The following PLEK variants were observed in gnomAD, a reference collection of about 807,000 sequenced individuals.
PLEK encodes pleckstrin.
A neutral mutation model predicts 43.9 loss-of-function variants in PLEK; 25 were observed. The ratio of observed to expected loss-of-function variants is 0.57; its 90% confidence interval spans 0.41 to 0.79. PLEK has a LOEUF of 0.79. PLEK is among the 30% of genes least tolerant of loss of function. PLEK has a pLI of 0.00. For synonymous variants in PLEK, 152 were observed against 144.4 expected (o/e 1.05, Z -0.38); for missense variants, 396 against 413.3 (o/e 0.96, Z 0.36).
At chr2:68,377,696 C>T (rs903866807) in intron 1 of PLEK, among the ~76,000 whole-genome samples, 12 of 152,098 alleles carry the variant, frequency 7.9e-5, no homozygotes, top group African/African-American at 2.9e-4. Flanking sequence ...GGGTAGTTTG[C>T]AAATATTTTC....
At chr2:68,379,092 C>T (rs150396948) in intron 1 of PLEK, among the ~76,000 whole-genome samples, 2,962 of 152,180 alleles carry the variant, frequency 0.019, 96 homozygotes, top group African/African-American at 0.066. Context: ...TGAGATCATG[C>T]AATTGCACTC....
intron 1 of PLEK, among the ~76,000 whole-genome samples, chr2:68,374,083 A>G (rs540381560): frequency 2.6e-5 from 4 of 152,292 alleles, no homozygotes; most frequent in African/African-American, 9.6e-5. Context: ...GTCTCTCCCT[A>G]TCTCTGAATT....
At chr2:68,383,034 G>C (rs1207218540) in intron 4 of PLEK, among the ~76,000 whole-genome samples, 1 of 152,178 alleles carries the variant, frequency 6.6e-6, no homozygotes. Flanking sequence ...AGGCTGCACA[G>C]GGTCAGGTAT....
At chr2:68,389,060 T>C (rs1296498233) in intron 6 of PLEK, among the ~76,000 whole-genome samples, 1 of 152,156 alleles carries the variant, frequency 6.6e-6, no homozygotes, top group East Asian at 1.9e-4. Flanking sequence ...GATGTCCAGG[T>C]GTCCACAGGT....
intron 3 of PLEK, among the ~76,000 whole-genome samples, chr2:68,381,975 C>T (rs946822486): frequency 1.3e-5 from 2 of 152,174 alleles, no homozygotes; most frequent in African/African-American, 4.8e-5. Flanking sequence ...CTTAGAGCTT[C>T]TCTCGTAAGG....
chr2:68,368,364 A>C (rs1179203610), intron 1 of PLEK, among the ~76,000 whole-genome samples: 1 of 152,246 alleles, frequency 6.6e-6, no homozygotes, highest in Non-Finnish European at 1.5e-5. Context: ...CTCATCTTAC[A>C]GATAAGAAAA....
At chr2:68,378,277 G>T (rs1484900452) in intron 1 of PLEK, among the ~76,000 whole-genome samples, 1 of 152,188 alleles carries the variant, frequency 6.6e-6, no homozygotes, top group Non-Finnish European at 1.5e-5. Context: ...TGGTTGACAT[G>T]AGGCTCAAAT....
chr2:68,380,705 A>G lies in PLEK; in HGVS notation c.199-18A>G. ...CTTGAAATAAGCCATTTCTAATGGG[A>G]TGTGTTTTGATTTTCAGTTTGTGTT... On this transcript the variant is annotated intron_variant, in intron 2 of 8. Coordinates refer to ENST00000234313, the MANE Select transcript of PLEK (RefSeq NM_002664.3). The G allele has an allele frequency of 6.2e-7, 1 of 1,610,454 alleles. No individual in the cohort carries two copies. Among genetic ancestry groups the G allele is most frequent in the Non-Finnish European group, 8.5e-7 (1 of 1,177,988 alleles).
intron 1 of PLEK, among the ~76,000 whole-genome samples, chr2:68,371,842 C>T (rs55688935): frequency 4.6e-5 from 7 of 151,674 alleles, no homozygotes; most frequent in African/African-American, 1.7e-4. Context: ...CATAGAGCTC[C>T]TTTTTTCCCA....
chr2:68,365,325 A>G lies in PLEK; in HGVS notation c.-27A>G. On this transcript the variant is annotated 5_prime_UTR_variant, in exon 1 of 9. Coordinates refer to ENST00000234313, the MANE Select transcript of PLEK (RefSeq NM_002664.3). The stretch of plus-strand genomic sequence containing the variant: ...TGCTGAGAGGAGTTGCCTGAGAGTG[A>G]CCTTTGCATCTGCCTGTCCAGCCAG... The G allele has an allele frequency of 6.2e-7, 1 of 1,611,264 alleles. No individual in the cohort carries two copies. Among genetic ancestry groups the G allele is most frequent in the South Asian group, 1.1e-5 (1 of 91,034 alleles).
At chr2:68,393,681 G>C (rs907448421) in intron 7 of PLEK, among the ~76,000 whole-genome samples, 1 of 152,170 alleles carries the variant, frequency 6.6e-6, no homozygotes, top group Non-Finnish European at 1.5e-5. Context: ...CACTTTTAAA[G>C]CATGAAGACA....
At chr2:68,365,730 A>G (rs7588256) in intron 1 of PLEK, 1 of 208,610 alleles carries the variant, frequency 4.8e-6, no homozygotes, top group Non-Finnish European at 9.9e-6. Context: ...CTCCTCTTCT[A>G]TGGAGGTTTC....
At position 68,380,495 on chromosome 2, in the gene PLEK, T is replaced by C. The variant is rs760855544; in HGVS notation, c.198+12T>C. ...TTGGCAAAAGGATGGTAAGTTGACATCATGAGCTGCCGTGAACCCCTGGTC... is the reference window on the plus strand; with the variant it reads ...TTGGCAAAAGGATGGTAAGTTGACACCATGAGCTGCCGTGAACCCCTGGTC... On this transcript the variant is annotated intron_variant, in intron 2 of 8. Transcript: ENST00000234313. 20 of 1,612,018 alleles carry C rather than the reference T, an allele frequency of 1.2e-5. No individual in the cohort carries two copies. The Admixed American group carries it at 3.3e-4, about 27-fold the overall frequency.
intron 6 of PLEK, among the ~76,000 whole-genome samples, chr2:68,389,754 A>G (rs1369455408): frequency 1.3e-5 from 2 of 152,140 alleles, no homozygotes; most frequent in African/African-American, 4.8e-5. Flanking sequence ...AAAGAAAGGC[A>G]TGGGGCAGAG....
chr2:68,389,400 A>G (rs1673816300), intron 6 of PLEK, among the ~76,000 whole-genome samples: 1 of 152,208 alleles, frequency 6.6e-6, no homozygotes, highest in Admixed American at 6.5e-5. Context: ...GGAGATTTCC[A>G]TGTACTGTCT....
At position 68,395,977 on chromosome 2, in the gene PLEK, GTTCCCCTGCATT is replaced by G; in HGVS notation, c.*162_*173del. ...TGTAACTCACCATGTGGTGTGCAAG[GTTCCCCTGCATT>G]GTATTGCTCACTGCAGCCCCTCTGC... On this transcript the variant is annotated 3_prime_UTR_variant, in exon 9 of 9. Coordinates refer to ENST00000234313, the MANE Select transcript of PLEK (RefSeq NM_002664.3). The G allele has an allele frequency of 1.5e-6, 1 of 649,798 alleles. No individual in the cohort carries two copies. The highest frequency in any genetic ancestry group is 2.8e-6 in the Non-Finnish European group (1 of 361,944). 40.3% of individuals were successfully genotyped at this position (649,798 alleles called of 1,614,324 possible). A position where few individuals can be genotyped will look rare whatever the true frequency, so the allele number is the denominator to read the frequency against.
chr2:68,377,013 A>G (rs956377709), intron 1 of PLEK, among the ~76,000 whole-genome samples: 1 of 152,154 alleles, frequency 6.6e-6, no homozygotes, highest in East Asian at 1.9e-4. Context: ...GATATGTGAG[A>G]ACATGTGATG....
chr2:68,386,077 TA>T lies in PLEK; in HGVS notation c.473-424del, dbSNP rs140498617. On this transcript the variant is annotated intron_variant, in intron 4 of 8. Coordinates refer to ENST00000234313, the MANE Select transcript of PLEK (RefSeq NM_002664.3). ...TTTATTTTTTTATTTTTAAAGTTAT[TA>T]TTTTTTTATTTTATTTTTGTTTTTA... is the stretch of plus-strand genomic sequence containing the variant. Among the ~76,000 whole-genome samples, 1,032 of 151,808 alleles carry T rather than the reference TA, an allele frequency of 6.8e-3. 9 individuals carry two copies. Among genetic ancestry groups the T allele is most frequent in the Middle Eastern group, 0.01 (3 of 294 alleles).
chr2:68,394,575 G>A (rs1459745943), intron 8 of PLEK, among the ~76,000 whole-genome samples: 1 of 152,034 alleles, frequency 6.6e-6, no homozygotes, highest in Admixed American at 6.5e-5. Context: ...TGAAAACCTT[G>A]GAGAAACCAG....
Sources: gnomAD v4.1 joint callset for allele counts (sites outside exome capture counted in the v4.1 genomes callset) on GRCh38, gnomAD v4.1.1 for gene constraint, MANE v1.5 for transcripts, NCBI Gene and HGNC (gene_info 2026-07-23, HGNC 2026-07-21) for gene names.